Variants in MCTP1 observed in about 807,000 individuals in gnomAD.
The protein encoded by MCTP1 is multiple C2 and transmembrane domain-containing protein 1.
A neutral mutation model predicts 120.6 loss-of-function variants in MCTP1; 69 were observed. The observed-to-expected ratio is 0.57, with a 90% CI of 0.47 to 0.70. The LOEUF is 0.70. Among genes scored for constraint, MCTP1 ranks in the 30% least tolerant of loss-of-function variants. The pLI is 0.00. For synonymous variants in MCTP1, 529 were observed against 493.1 expected (o/e 1.07, Z -0.96); for missense variants, 1,203 against 1,248.8 (o/e 0.96, Z 0.55).
chr5:94,887,635 A>G (rs1801632297), intron 12 of MCTP1, among the ~76,000 whole-genome samples: 3 of 152,202 alleles, frequency 2.0e-5, no homozygotes, highest in Admixed American at 6.5e-5. Context: ...CATATATGCA[A>G]ATATTACAAA....
At chr5:94,779,430 A>T (rs1776129142) in intron 18 of MCTP1, among the ~76,000 whole-genome samples, 1 of 152,152 alleles carries the variant, frequency 6.6e-6, no homozygotes, top group Admixed American at 6.5e-5. Context: ...AGGTAAACCA[A>T]TATTAATTTG....
chr5:95,197,900 T>A (rs1750572280), intron 1 of MCTP1, among the ~76,000 whole-genome samples: 1 of 152,170 alleles, frequency 6.6e-6, no homozygotes, highest in Non-Finnish European at 1.5e-5. Flanking sequence ...TCCTACGTAC[T>A]TGACATCATC....
At chr5:95,044,452 T>C (rs1351821591) in intron 1 of MCTP1, among the ~76,000 whole-genome samples, 2 of 152,196 alleles carry the variant, frequency 1.3e-5, no homozygotes, top group Non-Finnish European at 2.9e-5. Flanking sequence ...CTCATTTATC[T>C]TCACACTTAG....
intron 17 of MCTP1, among the ~76,000 whole-genome samples, chr5:94,837,818 T>G (rs1001278849): frequency 6.6e-6 from 1 of 152,168 alleles, no homozygotes; most frequent in Non-Finnish European, 1.5e-5. Flanking sequence ...GGCTCCCAGG[T>G]CAGATTATTC....
At chr5:94,849,416 C>T (rs1014403453) in intron 17 of MCTP1, among the ~76,000 whole-genome samples, 12 of 151,950 alleles carry the variant, frequency 7.9e-5, no homozygotes, top group Non-Finnish European at 1.6e-4. Context: ...AAATATGTGC[C>T]GTTTATTTCT....
intron 8 of MCTP1, 89 bp downstream of exon 8, chr5:94,917,807 G>T: frequency 2.1e-6 from 2 of 942,518 alleles, no homozygotes; most frequent in Non-Finnish European, 1.7e-6. Flanking sequence ...AGTATAGGGA[G>T]TGGGTTTTCA....
chr5:94,782,211 A>G (rs890357567), intron 18 of MCTP1, among the ~76,000 whole-genome samples: 1 of 152,180 alleles, frequency 6.6e-6, no homozygotes, highest in Non-Finnish European at 1.5e-5. Context: ...AAATAACATC[A>G]AGTTACTATT....
chr5:94,829,259 C>T (rs1010088940), intron 17 of MCTP1, among the ~76,000 whole-genome samples: 3 of 152,118 alleles, frequency 2.0e-5, no homozygotes, highest in East Asian at 3.9e-4. Flanking sequence ...GGTGAGGCGA[C>T]GCCCCACCCT....
intron 12 of MCTP1, among the ~76,000 whole-genome samples, chr5:94,884,754 A>T (rs1358984924): frequency 6.6e-6 from 1 of 152,174 alleles, no homozygotes; most frequent in African/African-American, 2.4e-5. Context: ...CTGCTAATGA[A>T]TCTGAGCTGC....
At chr5:95,047,247 A>C (rs1744788505) in intron 1 of MCTP1, among the ~76,000 whole-genome samples, 1 of 152,112 alleles carries the variant, frequency 6.6e-6, no homozygotes. Context: ...TAGAGCCTCT[A>C]CCACTATGGC....
intron 19 of MCTP1, among the ~76,000 whole-genome samples, chr5:94,776,449 C>G (rs1205752995): frequency 6.6e-6 from 1 of 152,100 alleles, no homozygotes; most frequent in South Asian, 2.1e-4. Flanking sequence ...CCATTTACCC[C>G]CAAGTCCAAA....
At chr5:94,967,733 A>C (rs147593062) in intron 2 of MCTP1, among the ~76,000 whole-genome samples, 8 of 152,344 alleles carry the variant, frequency 5.3e-5, no homozygotes, top group African/African-American at 1.9e-4. Context: ...ATATTTTATA[A>C]ACGTGTGGTC....
chr5:94,833,432 A>G (rs972911918), intron 17 of MCTP1, among the ~76,000 whole-genome samples: 3 of 152,206 alleles, frequency 2.0e-5, no homozygotes, highest in African/African-American at 7.2e-5. Context: ...AGGCATAATA[A>G]ATTATGCGTA....
intron 2 of MCTP1, among the ~76,000 whole-genome samples, chr5:94,958,286 T>C (rs972327022): frequency 2.0e-5 from 3 of 152,202 alleles, no homozygotes; most frequent in African/African-American, 7.2e-5. Flanking sequence ...GAGGGAAATT[T>C]ATAGTACTAA....
At chr5:95,187,267 GC>G (rs374293679) in intron 1 of MCTP1, among the ~76,000 whole-genome samples, 12 of 152,174 alleles carry the variant, frequency 7.9e-5, no homozygotes, top group African/African-American at 2.9e-4. Flanking sequence ...ATACTATTCA[GC>G]CATAAAAAGA....
At chr5:95,155,306 G>A (rs999149655) in intron 1 of MCTP1, among the ~76,000 whole-genome samples, 1 of 152,066 alleles carries the variant, frequency 6.6e-6, no homozygotes, top group African/African-American at 2.4e-5. Flanking sequence ...GAAACATCAA[G>A]TATACAATTT....
intron 1 of MCTP1, among the ~76,000 whole-genome samples, chr5:95,042,661 T>G (rs1485964121): frequency 6.6e-6 from 1 of 152,204 alleles, no homozygotes; most frequent in Admixed American, 6.6e-5. Context: ...ATGCCAGTGC[T>G]TGTCTCCAAA....
At chr5:95,229,521 G>A (rs992598222) in intron 1 of MCTP1, among the ~76,000 whole-genome samples, 16 of 151,994 alleles carry the variant, frequency 1.1e-4, no homozygotes, top group Middle Eastern at 3.2e-3. Flanking sequence ...TTGGGAGGCC[G>A]GCAGATCACA....
intron 1 of MCTP1, among the ~76,000 whole-genome samples, chr5:95,251,489 T>C (rs1202414115): frequency 6.6e-6 from 1 of 152,146 alleles, no homozygotes; most frequent in Non-Finnish European, 1.5e-5. Context: ...AATTACTCAC[T>C]AGAAGAGTAA....
Sources: allele counts gnomAD v4.1 joint callset (sites outside exome capture counted in the v4.1 genomes callset), GRCh38; gene constraint gnomAD v4.1.1; transcripts MANE v1.5; gene names NCBI Gene and HGNC (gene_info 2026-07-23, HGNC 2026-07-21).